The following NTN1 variants were observed in gnomAD, a reference collection of about 807,000 sequenced individuals.
NTN1 encodes netrin-1.
Under a neutral mutation model 54.2 loss-of-function variants are expected in NTN1, and 11 were observed. The ratio of observed to expected loss-of-function variants is 0.20; its 90% CI spans 0.13 to 0.34. The LOEUF (loss-of-function observed/expected upper bound fraction) is 0.34. Ranked by LOEUF, NTN1 falls within the 10% of genes least tolerant of loss-of-function variation. The pLI is 1.00. For missense variants in NTN1, 740 were observed against 893.1 expected (o/e 0.83, Z 2.18); for synonymous variants, 371 against 382.0 (o/e 0.97, Z 0.33).
intron 2 of NTN1, among the ~76,000 whole-genome samples, chr17:9,086,777 T>C (rs1335276662): frequency 6.6e-6 from 1 of 152,066 alleles, no homozygotes; most frequent in Non-Finnish European, 1.5e-5. Flanking sequence ...ATCTTCACTG[T>C]CCTCATTACC....
chr17:9,155,123 G>A (rs932828084), intron 2 of NTN1, among the ~76,000 whole-genome samples: 1 of 152,130 alleles, frequency 6.6e-6, no homozygotes, highest in African/African-American at 2.4e-5. Flanking sequence ...CAGAAGAACG[G>A]CCTCCTTGAG....
intron 2 of NTN1, among the ~76,000 whole-genome samples, chr17:9,150,803 A>T (rs2092325270): frequency 6.6e-6 from 1 of 151,736 alleles, no homozygotes; most frequent in African/African-American, 2.4e-5. Context: ...AAAAAAAGTC[A>T]GTGGAAAAAA....
intron 5 of NTN1, among the ~76,000 whole-genome samples, chr17:9,196,828 A>T (rs1368809638): frequency 6.6e-6 from 1 of 152,120 alleles, no homozygotes; most frequent in Non-Finnish European, 1.5e-5. Context: ...TGAAGCAGAG[A>T]TCTGAAATTA....
At chr17:9,088,364 G>C (rs1315164869) in intron 2 of NTN1, among the ~76,000 whole-genome samples, 1 of 152,140 alleles carries the variant, frequency 6.6e-6, no homozygotes, top group African/African-American at 2.4e-5. Flanking sequence ...TCTGGGTGTG[G>C]CTTTATTACC....
intron 2 of NTN1, among the ~76,000 whole-genome samples, chr17:9,071,757 T>C (rs976308423): frequency 6.6e-6 from 1 of 152,182 alleles, no homozygotes; most frequent in African/African-American, 2.4e-5. Flanking sequence ...TGTATTGTTT[T>C]CCCTACACCT....
intron 3 of NTN1, chr17:9,175,032 G>A (rs1948745802): frequency 1.3e-5 from 2 of 152,350 alleles, no homozygotes; most frequent in Admixed American, 1.3e-4. Flanking sequence ...AAGAGCCCCT[G>A]GAGCCAGAGT....
chr17:9,137,850 C>A (rs1237975485), intron 2 of NTN1, among the ~76,000 whole-genome samples: 1 of 152,106 alleles, frequency 6.6e-6, no homozygotes, highest in Non-Finnish European at 1.5e-5. Context: ...GCATTTCCGG[C>A]CTTCCCGGCT....
intron 2 of NTN1, among the ~76,000 whole-genome samples, chr17:9,085,634 G>A (rs1008282825): frequency 3.3e-5 from 5 of 152,192 alleles, no homozygotes; most frequent in Non-Finnish European, 5.9e-5. Context: ...TAGCCTCAGT[G>A]ACTTCGTCTG....
At chr17:9,066,334 A>C (rs2092014773) in intron 2 of NTN1, among the ~76,000 whole-genome samples, 1 of 152,192 alleles carries the variant, frequency 6.6e-6, no homozygotes, top group African/African-American at 2.4e-5. Context: ...TCAAGTAGAA[A>C]ATTCAATAGC....
chr17:9,204,922 AC>A (rs1213379169), intron 5 of NTN1, among the ~76,000 whole-genome samples: 3 of 128,660 alleles, frequency 2.3e-5, no homozygotes, highest in Non-Finnish European at 4.8e-5. Flanking sequence ...AGTGCTGTCA[AC>A]CCTCATTTTT....
chr17:9,036,188 ACT>A (rs1161701823), intron 2 of NTN1, among the ~76,000 whole-genome samples: 2 of 149,316 alleles, frequency 1.3e-5, no homozygotes, highest in African/African-American at 2.5e-5. Flanking sequence ...CAGTGGTTAA[ACT>A]CTCTATTTAG....
chr17:9,128,322 A>G (rs994468538), intron 2 of NTN1, among the ~76,000 whole-genome samples: 2 of 148,680 alleles, frequency 1.3e-5, no homozygotes, highest in African/African-American at 4.9e-5. Context: ...AAAAAAAAAA[A>G]AAAAAGTATC....
At chr17:9,012,536 C>CAAAA in the NTN1 span, among the ~76,000 whole-genome samples, 1 of 132,812 alleles carries the variant, frequency 7.5e-6, no homozygotes, top group Non-Finnish European at 1.6e-5. Flanking sequence ...AAAAACAAAA[C>CAAAA]AAAAAAAAAA....
chr17:9,023,671 C>G (rs1001360584), intron 2 of NTN1, among the ~76,000 whole-genome samples: 6 of 152,244 alleles, frequency 3.9e-5, no homozygotes, highest in Non-Finnish European at 8.8e-5. Context: ...GATAGGTCTC[C>G]GCTAACCCTG....
chr17:9,119,264 T>C (rs2092224767), intron 2 of NTN1, among the ~76,000 whole-genome samples: 1 of 152,196 alleles, frequency 6.6e-6, no homozygotes, highest in Non-Finnish European at 1.5e-5. Context: ...CTCGGCTCAC[T>C]GCAACCTCTG....
At chr17:9,151,622 C>T (rs569281270) in intron 2 of NTN1, among the ~76,000 whole-genome samples, 1 of 152,292 alleles carries the variant, frequency 6.6e-6, no homozygotes, top group East Asian at 1.9e-4. Context: ...ACCCTAAAAA[C>T]TAAATGGAGT....
intron 6 of NTN1, among the ~76,000 whole-genome samples, chr17:9,229,351 G>A (rs1397811083): frequency 2.6e-5 from 4 of 152,194 alleles, no homozygotes; most frequent in African/African-American, 9.7e-5. Context: ...CCCGGACTGG[G>A]CACATCACAG....
At chr17:9,169,742 G>A (rs1269178665) in intron 3 of NTN1, among the ~76,000 whole-genome samples, 3 of 152,242 alleles carry the variant, frequency 2.0e-5, no homozygotes, top group Admixed American at 6.5e-5. Flanking sequence ...GCGCATGCCT[G>A]TAATCCCAGC....
At chr17:9,120,319 C>T (rs1289470532) in intron 2 of NTN1, among the ~76,000 whole-genome samples, 1 of 150,442 alleles carries the variant, frequency 6.6e-6, no homozygotes, top group Non-Finnish European at 1.5e-5. Context: ...GGAAGGAGTG[C>T]CTTGCCCATG....
Sources: gnomAD v4.1 joint callset for allele counts (sites outside exome capture counted in the v4.1 genomes callset) on GRCh38, gnomAD v4.1.1 for gene constraint, MANE v1.5 for transcripts, NCBI Gene and HGNC (gene_info 2026-07-23, HGNC 2026-07-21) for gene names.